FLT1: variants seen among roughly 807,000 people sequenced by gnomAD.
The protein encoded by FLT1 is fms related receptor tyrosine kinase 1.
In FLT1, 49 loss-of-function variants were observed where a neutral mutation model predicts 156.3. That is an observed-to-expected ratio of 0.31 (90% CI 0.25 to 0.40). FLT1 has a LOEUF of 0.40. Among genes scored for constraint, FLT1 ranks in the 10% least tolerant of loss-of-function variants. The pLI, the probability that FLT1 is intolerant of heterozygous loss-of-function variation, is 1.00. For missense variants in FLT1, 1,322 were observed against 1,637.2 expected (o/e 0.81, Z 3.32); for synonymous variants, 594 against 583.8 (o/e 1.02, Z -0.25).
At chr13:28,315,450 G>A (rs1056695674) in intron 25 of FLT1, among the ~76,000 whole-genome samples, 1 of 152,144 alleles carries the variant, frequency 6.6e-6, no homozygotes, top group Admixed American at 6.5e-5. Context: ...CAGCAACTCA[G>A]TAGGCTGAGG....
chr13:28,470,804 C>T (rs1251651100), intron 1 of FLT1, among the ~76,000 whole-genome samples: 1 of 152,174 alleles, frequency 6.6e-6, no homozygotes, highest in East Asian at 1.9e-4. Context: ...GATTCTCCTG[C>T]CTCAGCCTTC....
chr13:28,433,696 T>G, intron 6 of FLT1, 123 bp downstream of exon 6: 1 of 924,538 alleles, frequency 1.1e-6, no homozygotes. Context: ...CCAAAGCTTC[T>G]TTATTGACTA....
At chr13:28,345,678 C>CA (rs1363247417) in intron 15 of FLT1, 127 bp from the exon 16 acceptor site, 1 of 700,508 alleles carries the variant, frequency 1.4e-6, no homozygotes, top group Non-Finnish European at 2.6e-6. Context: ...TCTGCTGCCA[C>CA]AAAATCAGTC....
intron 15 of FLT1, among the ~76,000 whole-genome samples, chr13:28,346,919 C>G (rs932920765): frequency 1.3e-5 from 2 of 152,016 alleles, no homozygotes; most frequent in African/African-American, 4.8e-5. Flanking sequence ...CTTGGGGGCT[C>G]TCTGTTTCAA....
intron 12 of FLT1, among the ~76,000 whole-genome samples, chr13:28,392,427 T>A (rs1246343322): frequency 6.6e-6 from 1 of 152,220 alleles, no homozygotes; most frequent in African/African-American, 2.4e-5. Context: ...CATCAACTTT[T>A]ACACAGATAG....
chr13:28,349,894 A>G (rs372338333), intron 15 of FLT1, among the ~76,000 whole-genome samples: 1 of 152,324 alleles, frequency 6.6e-6, no homozygotes, highest in East Asian at 1.9e-4. Flanking sequence ...CTTATTGAAA[A>G]ATATTAGAAT....
At chr13:28,435,615 C>T (rs1877983549) in intron 4 of FLT1, among the ~76,000 whole-genome samples, 1 of 152,218 alleles carries the variant, frequency 6.6e-6, no homozygotes, top group Non-Finnish European at 1.5e-5. Flanking sequence ...GCATCCCTCG[C>T]TCTATCCAGT....
chr13:28,479,615 C>T (rs1880731325), intron 1 of FLT1, among the ~76,000 whole-genome samples: 1 of 152,126 alleles, frequency 6.6e-6, no homozygotes, highest in Non-Finnish European at 1.5e-5. Flanking sequence ...ACATTTTCAC[C>T]AGCAGTATCT....
In FLT1 at chr13:28,357,692, G is replaced by T. The variant is rs1565984214; in HGVS notation, c.2117-7C>A. The stretch of plus-strand genomic sequence containing the variant: ...CCTGGTCCTAAAATAATTCCTGAGG[G>T]GTGAGAGATGTTTAGATTAGTGGGC... On this transcript the variant is annotated splice_region_variant and splice_polypyrimidine_tract_variant and intron_variant, in intron 14 of 29. Coordinates refer to ENST00000282397, the MANE Select transcript of FLT1 (RefSeq NM_002019.4). The T allele has an allele frequency of 6.2e-7, 1 of 1,612,988 alleles. No homozygotes were observed. The highest frequency in any genetic ancestry group is 8.5e-7 in the Non-Finnish European group (1 of 1,179,264).
chr13:28,362,152 G>A (rs1446523639), intron 14 of FLT1, among the ~76,000 whole-genome samples: 2 of 152,160 alleles, frequency 1.3e-5, no homozygotes, highest in African/African-American at 2.4e-5. Flanking sequence ...GAAAAAGAGA[G>A]AGATGAGTCC....
At chr13:28,320,211 A>C (rs189812268) in intron 23 of FLT1, among the ~76,000 whole-genome samples, 192 of 152,288 alleles carry the variant, frequency 1.3e-3, no homozygotes, top group African/African-American at 4.4e-3. Flanking sequence ...AGGGAGGCTG[A>C]CTCAGATACA....
chr13:28,345,582 C>T, intron 15 of FLT1, 31 bp from the exon 16 acceptor site: 1 of 1,296,074 alleles, frequency 7.7e-7, no homozygotes, highest in Non-Finnish European at 1.1e-6. Flanking sequence ...AATAGTGGTG[C>T]AACAAAGAAA....
intron 15 of FLT1, among the ~76,000 whole-genome samples, chr13:28,356,290 TGG>T: frequency 6.6e-6 from 1 of 152,316 alleles, no homozygotes; most frequent in Non-Finnish European, 1.5e-5. Context: ...CTGTGTTCCC[TGG>T]CCCGGCACGG....
intron 10 of FLT1, among the ~76,000 whole-genome samples, chr13:28,410,968 C>A (rs539297369): frequency 1.3e-5 from 2 of 152,242 alleles, no homozygotes; most frequent in East Asian, 3.9e-4. Flanking sequence ...ACCTTTCCCA[C>A]CATGGGAGAA....
chr13:28,408,806 G>A (rs962435027), intron 10 of FLT1, among the ~76,000 whole-genome samples: 3 of 152,106 alleles, frequency 2.0e-5, no homozygotes, highest in Non-Finnish European at 2.9e-5. Context: ...CCAAGCCTCC[G>A]TCCCTTTCCT....
intron 17 of FLT1, among the ~76,000 whole-genome samples, chr13:28,338,166 G>A (rs1203032293): frequency 6.6e-6 from 1 of 151,946 alleles, no homozygotes; most frequent in African/African-American, 2.4e-5. Context: ...CAAGGCCCAA[G>A]AGAAAAACAA....
At chr13:28,454,266 T>C (rs1000157928) in intron 3 of FLT1, among the ~76,000 whole-genome samples, 1 of 152,324 alleles carries the variant, frequency 6.6e-6, no homozygotes, top group African/African-American at 2.4e-5. Flanking sequence ...TGTTAGGCAG[T>C]CTGTATTGTC....
Position 28,323,333 on chromosome 13 carries a change from T to G in FLT1, c.2797-387A>C, listed in dbSNP as rs116227131. Among the ~76,000 whole-genome samples, 317 of 152,296 alleles carry G rather than the reference T, an allele frequency of 2.1e-3. 1 individual carries two copies. The highest frequency in any genetic ancestry group is 7.3e-3 in the African/African-American group (302 of 41,564). On this transcript the variant is annotated intron_variant, in intron 20 of 29. Coordinates refer to ENST00000282397, the MANE Select transcript of FLT1 (RefSeq NM_002019.4). ...GAGAAACAGGTTCAGAGAAGTAAAGTAATCAAATTCACATGCAGCTAATAA... is the reference window on the plus strand; with the variant it reads ...GAGAAACAGGTTCAGAGAAGTAAAGGAATCAAATTCACATGCAGCTAATAA...
intron 3 of FLT1, among the ~76,000 whole-genome samples, chr13:28,443,308 T>C (rs1566030406): frequency 6.6e-6 from 1 of 152,226 alleles, no homozygotes; most frequent in Non-Finnish European, 1.5e-5. Context: ...ATTTTTTAAA[T>C]GTGTTTTTTC....
Sources: allele counts gnomAD v4.1 joint callset (sites outside exome capture counted in the v4.1 genomes callset), GRCh38; gene constraint gnomAD v4.1.1; transcripts MANE v1.5; gene names NCBI Gene and HGNC (gene_info 2026-07-23, HGNC 2026-07-21).